Variants in NFX1 observed in about 807,000 individuals in gnomAD.
NFX1 encodes nuclear transcription factor, X-box binding 1, also known as transcriptional repressor NF-X1.
A neutral mutation model predicts 137.2 loss-of-function variants in NFX1; 69 were observed. The ratio of observed to expected loss-of-function variants is 0.50; its 90% CI spans 0.41 to 0.61. The LOEUF (loss-of-function observed/expected upper bound fraction) is 0.61, where lower values mean the gene tolerates loss of function less well. NFX1 is among the 20% of genes least tolerant of loss of function. The probability of loss-of-function intolerance (pLI) is 0.00; values close to 1 mark genes in which losing one functional copy is unlikely to be tolerated. For missense variants in NFX1, 1,167 were observed against 1,391.0 expected (o/e 0.84, Z 2.56); for synonymous variants, 495 against 474.1 (o/e 1.04, Z -0.57).
intron 9 of NFX1, among the ~76,000 whole-genome samples, chr9:33,320,143 T>C (rs1822330178): frequency 6.6e-6 from 1 of 151,656 alleles, no homozygotes; most frequent in Non-Finnish European, 1.5e-5. Flanking sequence ...TTTTTGTATT[T>C]TTGTAGAGAC....
intron 9 of NFX1, among the ~76,000 whole-genome samples, chr9:33,324,360 G>C (rs1564120738): frequency 6.6e-6 from 1 of 151,826 alleles, no homozygotes. Flanking sequence ...GCCTGGACGA[G>C]GGAGTAAGAC....
rs1233786657 is a variant in NFX1, at chr9:33,295,259, A to C, written c.865A>C (p.Arg289=). 1 of 1,614,132 alleles carries C rather than the reference A, an allele frequency of 6.2e-7. No individual in the cohort carries two copies. Among genetic ancestry groups the C allele is most frequent in the Admixed American group, 1.7e-5 (1 of 60,016 alleles). ...CATTCCAAAGGATGACCTCAATGAA[A>C]GACCAGCAAAATCTACCTGTGACAG... The part of the protein sequence containing the change: ...GPIPKDDLNE[R]PAKSTCDSEN... The change falls in exon 2 of 24, where the codon AGA becomes CGA. Residue 289 remains arginine (R), a synonymous_variant. Transcript: ENST00000379540.
intron 10 of NFX1, among the ~76,000 whole-genome samples, chr9:33,329,747 C>G (rs1281254870): frequency 6.6e-6 from 1 of 152,018 alleles, no homozygotes; most frequent in Non-Finnish European, 1.5e-5. Context: ...CAGCCTCCAC[C>G]TCCCAGATTC....
At chr9:33,357,163 A>G (rs940839662) in intron 19 of NFX1, among the ~76,000 whole-genome samples, 8 of 151,526 alleles carry the variant, frequency 5.3e-5, no homozygotes, top group Non-Finnish European at 1.2e-4. Flanking sequence ...TTAGCCGGGC[A>G]TGGTGGCGGG....
At chr9:33,344,591 G>T (rs1253629639) in intron 14 of NFX1, among the ~76,000 whole-genome samples, 3 of 152,174 alleles carry the variant, frequency 2.0e-5, no homozygotes, top group Non-Finnish European at 2.9e-5. Flanking sequence ...CCAGGGCCAG[G>T]CGCAGTGGCT....
At chr9:33,316,396 A>G (rs990120499) in intron 7 of NFX1, among the ~76,000 whole-genome samples, 1 of 151,688 alleles carries the variant, frequency 6.6e-6, no homozygotes, top group Non-Finnish European at 1.5e-5. Context: ...CTGGCACTAC[A>G]GATGCACACC....
chr9:33,324,362 G>T (rs1309777314), intron 9 of NFX1, among the ~76,000 whole-genome samples: 1 of 152,030 alleles, frequency 6.6e-6, no homozygotes, highest in African/African-American at 2.4e-5. Flanking sequence ...CTGGACGAGG[G>T]AGTAAGACTC....
Position 33,294,808 on chromosome 9 carries a change from C to G in NFX1, c.414C>G (p.Thr138=), listed in dbSNP as rs1176364433. ...TSDTAGLESS[T]RSESGTDLRE... is the part of the protein sequence containing the mutation. Reference sequence around the variant, plus strand: ...ATACAGCTGGATTAGAGAGCTCGACCAGATCAGAGAGTGGGACAGACCTCA... The same window carrying G: ...ATACAGCTGGATTAGAGAGCTCGACGAGATCAGAGAGTGGGACAGACCTCA... Residue 138 remains threonine, a synonymous_variant, in exon 2 of 24, where the codon ACC becomes ACG. Coordinates refer to ENST00000379540, the MANE Select transcript of NFX1 (RefSeq NM_002504.6). The G allele has an allele frequency of 1.3e-5, 21 of 1,614,020 alleles. No individual in the cohort carries two copies. Among genetic ancestry groups the G allele is most frequent in the Non-Finnish European group, 1.5e-5 (18 of 1,180,028 alleles).
chr9:33,313,634 T>C lies in NFX1; in HGVS notation c.1449-20T>C. On this transcript the variant is annotated intron_variant, in intron 6 of 23. Transcript: ENST00000379540. The stretch of plus-strand genomic sequence containing the variant: ...GGAACTTTTACACTGATGCTGTCTT[T>C]ACATCTATTGTCTTTACAGGCACAC... 6.2e-7 allele frequency: 1 copy of C among 1,612,866 alleles called. No individual in the cohort carries two copies. The highest frequency in any genetic ancestry group is 8.5e-7 in the Non-Finnish European group (1 of 1,178,962).
In NFX1 at chr9:33,319,539, T is replaced by A. The variant is rs556254893; in HGVS notation, c.1906+412T>A. Among the ~76,000 whole-genome samples the A allele has an allele frequency of 3.3e-5, 5 of 152,314 alleles. No individual in the cohort carries two copies. In the South Asian group the frequency reaches 8.3e-4, roughly 25 times the overall value. Reference sequence around the variant, plus strand: ...CAGAGTCTGGTTTGGAGACAGAGTCTCGCTCTGTCGCCCCAGCTCGAGTGC... The same window carrying A: ...CAGAGTCTGGTTTGGAGACAGAGTCACGCTCTGTCGCCCCAGCTCGAGTGC... On this transcript the variant is annotated intron_variant, in intron 9 of 23. Transcript: ENST00000379540.
chr9:33,290,911 G>A lies in NFX1; in HGVS notation c.25+314G>A, dbSNP rs370117392. The stretch of plus-strand genomic sequence containing the variant: ...GCGCACTGACCTTCGACAGGCGGGC[G>A]TCGGCCAGGTCACAGCCAGTGACGG... On this transcript the variant is annotated intron_variant, in intron 1 of 23. Transcript: ENST00000379540. 7.0e-4 allele frequency among the ~76,000 whole-genome samples: 107 copies of A among 152,342 alleles called. 2 individuals are homozygous for A. Among genetic ancestry groups the A allele is most frequent in the African/African-American group, 2.4e-3 (101 of 41,576 alleles).
At chr9:33,361,770 G>A (rs568911340) in intron 19 of NFX1, among the ~76,000 whole-genome samples, 6 of 149,816 alleles carry the variant, frequency 4.0e-5, no homozygotes, top group Admixed American at 2.0e-4. Flanking sequence ...CAGCCTGGGC[G>A]ACAAGAGCAA....
At chr9:33,323,768 CAAAAAAAAACAAAT>C (rs1348435074) in intron 9 of NFX1, among the ~76,000 whole-genome samples, 1 of 145,130 alleles carries the variant, frequency 6.9e-6, no homozygotes, top group Non-Finnish European at 1.5e-5. Flanking sequence ...AAAAAACAAA[CAAAAAAAAACAAAT>C]AAATAAATAT....
chr9:33,362,692 G>GTTTTT (rs750544815), intron 19 of NFX1, among the ~76,000 whole-genome samples: 3 of 96,332 alleles, frequency 3.1e-5, no homozygotes, highest in South Asian at 3.2e-4. Flanking sequence ...AGTTCCTGTG[G>GTTTTT]TTTTTTTTTT....
chr9:33,368,988 C>G (rs953294623), intron 23 of NFX1, among the ~76,000 whole-genome samples: 1 of 152,228 alleles, frequency 6.6e-6, no homozygotes, highest in African/African-American at 2.4e-5. Context: ...TTCTCAGAAA[C>G]TGCCAGAGTC....
intron 22 of NFX1, 67 bp from the exon 23 acceptor site, chr9:33,367,448 C>A: frequency 6.5e-7 from 1 of 1,537,198 alleles, no homozygotes; most frequent in Non-Finnish European, 9.0e-7. Flanking sequence ...GGCTGAGTTT[C>A]TAGCTTTCTG....
chr9:33,313,388 A>G (rs1032356376), intron 6 of NFX1, among the ~76,000 whole-genome samples: 3 of 152,086 alleles, frequency 2.0e-5, no homozygotes, highest in Admixed American at 1.3e-4. Context: ...TAGGAGTTTA[A>G]GATTAGTCTG....
intron 11 of NFX1, among the ~76,000 whole-genome samples, chr9:33,334,794 C>A (rs1822938479): frequency 6.6e-6 from 1 of 152,140 alleles, no homozygotes; most frequent in Non-Finnish European, 1.5e-5. Flanking sequence ...TTCACCATGA[C>A]CCTTTTGGTG....
rs1252825899 is a variant in NFX1, at chr9:33,332,788, GT to G, written c.2035+288del. On this transcript the variant is annotated intron_variant, in intron 11 of 23. Coordinates refer to ENST00000379540, the MANE Select transcript of NFX1 (RefSeq NM_002504.6). ...AATGGATATGTATATGAAAAAATATGTTAATGGTAGAATCTAGATATGGGCA... is the reference window on the plus strand; with the variant it reads ...AATGGATATGTATATGAAAAAATATGTAATGGTAGAATCTAGATATGGGCA... 59 of 322,266 alleles carry G rather than the reference GT, an allele frequency of 1.8e-4. No homozygotes were observed. The Admixed American group carries it at 2.2e-3, about 12-fold the overall frequency. 20.0% of individuals were successfully genotyped at this position (322,266 alleles called of 1,614,324 possible).
Sources: allele counts gnomAD v4.1 joint callset (sites outside exome capture counted in the v4.1 genomes callset), GRCh38; gene constraint gnomAD v4.1.1; transcripts MANE v1.5; gene names NCBI Gene and HGNC (gene_info 2026-07-23, HGNC 2026-07-21).